The following TBCD variants were observed in gnomAD, a reference collection of about 807,000 sequenced individuals.
TBCD encodes the protein tubulin folding cofactor D.
In TBCD, 105 loss-of-function variants were observed where a neutral mutation model predicts 169.3. The observed-to-expected ratio is 0.62, with a 90% CI of 0.53 to 0.73. The LOEUF (loss-of-function observed/expected upper bound fraction) is 0.73. Among genes scored for constraint, TBCD ranks in the 30% least tolerant of loss-of-function variants. The pLI is 0.00. For synonymous variants in TBCD, 700 were observed against 643.9 expected (o/e 1.09, Z -1.32); for missense variants, 1,444 against 1,600.1 (o/e 0.90, Z 1.66).
At chr17:82,758,904 T>A (rs2143851151) in intron 2 of TBCD, among the ~76,000 whole-genome samples, 1 of 151,906 alleles carries the variant, frequency 6.6e-6, no homozygotes, top group South Asian at 2.1e-4. Flanking sequence ...CCACGTGATC[T>A]GCCCACCTTG....
chr17:82,941,620 G>T (rs1214415761), intron 38 of TBCD, 137 bp downstream of exon 38: 1 of 765,824 alleles, frequency 1.3e-6, no homozygotes, highest in East Asian at 2.8e-5. Flanking sequence ...GGACCCCTGG[G>T]ATTACGGGAC....
chr17:82,760,702 G>A (rs926654014), intron 2 of TBCD, among the ~76,000 whole-genome samples: 3 of 152,196 alleles, frequency 2.0e-5, no homozygotes, highest in African/African-American at 7.2e-5. Flanking sequence ...TAGTGTATTA[G>A]TGTATTACAG....
intron 36 of TBCD, 138 bp downstream of exon 36, chr17:82,938,274 C>T (rs887316618): frequency 7.1e-5 from 69 of 972,700 alleles, no homozygotes; most frequent in Middle Eastern, 3.2e-4. Context: ...GGTGACGACG[C>T]GTCACAGGCA....
intron 26 of TBCD, among the ~76,000 whole-genome samples, chr17:82,924,138 G>T (rs2061580774): frequency 6.6e-6 from 1 of 152,142 alleles, no homozygotes; most frequent in Admixed American, 6.5e-5. Flanking sequence ...ATTTTTAGTA[G>T]AGACGGGGTT....
intron 13 of TBCD, among the ~76,000 whole-genome samples, chr17:82,845,571 G>A (rs1035078276): frequency 4.3e-4 from 63 of 146,934 alleles, no homozygotes; most frequent in African/African-American, 1.4e-3. Flanking sequence ...CTTCCTCTCC[G>A]TCTGTCCTGT....
chr17:82,920,650 T>C lies in TBCD; in HGVS notation c.2101+32T>C. On this transcript the variant is annotated intron_variant, in intron 24 of 38. Coordinates refer to ENST00000355528, the MANE Select transcript of TBCD (RefSeq NM_005993.5). The surrounding 1 kb of genome is among the most constrained non-coding windows in gnomAD (Gnocchi z 4.1). ...GCTTTTGTTTTTAATAATAGCATTT[T>C]CTTACAGAATGACTTCAGATTAAAA... 1.3e-6 allele frequency: 2 copies of C among 1,503,988 alleles called. No individual in the cohort carries two copies. The highest frequency in any genetic ancestry group is 2.5e-5 in the South Asian group (2 of 80,570). The allele number at this position is 1,503,988 out of a possible 1,614,324, so 93.2% of individuals were successfully genotyped here. A position where few individuals can be genotyped will look rare whatever the true frequency, so the allele number is the denominator to read the frequency against.
intron 1 of TBCD, among the ~76,000 whole-genome samples, chr17:82,753,729 A>G (rs2047243367): frequency 6.6e-6 from 1 of 151,376 alleles, no homozygotes; most frequent in African/African-American, 2.4e-5. Flanking sequence ...TTGAGATTAC[A>G]GGTGTGAGCC....
intron 7 of TBCD, among the ~76,000 whole-genome samples, chr17:82,794,489 T>C (rs756127750): frequency 6.6e-6 from 1 of 152,206 alleles, no homozygotes; most frequent in Non-Finnish European, 1.5e-5. Context: ...TTTCAGCAGG[T>C]GGTTTTAATT....
At chr17:82,926,872 CGG>C (rs1359456826) in intron 28 of TBCD, 2 of 501,362 alleles carry the variant, frequency 4.0e-6, no homozygotes, top group Non-Finnish European at 7.1e-6. Context: ...AGCAGTCCCG[CGG>C]GGGCCACGCA....
intron 13 of TBCD, among the ~76,000 whole-genome samples, chr17:82,849,714 G>C (rs113567510): frequency 6.6e-6 from 1 of 152,192 alleles, no homozygotes. Flanking sequence ...GGTGCCACAC[G>C]GGTCCCTCTC....
rs570548334 is a variant in TBCD, at chr17:82,849,751, G to A, written c.1319-20473G>A. 2.8e-4 allele frequency among the ~76,000 whole-genome samples: 42 copies of A among 152,346 alleles called. 1 individual carries two copies. In the South Asian group the frequency reaches 8.1e-3, roughly 29 times the overall value. ...CAGGATGCGACCATGGTGGCTTTGCGTCATGTCACCTCAGCCAGGCAGGAC... is the reference window on the plus strand; with the variant it reads ...CAGGATGCGACCATGGTGGCTTTGCATCATGTCACCTCAGCCAGGCAGGAC... On this transcript the variant is annotated intron_variant, in intron 13 of 38. Transcript: ENST00000355528.
intron 12 of TBCD, 107 bp from the exon 13 acceptor site, chr17:82,814,733 A>T: frequency 9.4e-7 from 1 of 1,058,340 alleles, no homozygotes; most frequent in Non-Finnish European, 1.4e-6. Flanking sequence ...CGTGAGCCTT[A>T]CAGGCAGAGG....
Position 82,915,992 on chromosome 17 carries a change from C to T in TBCD, c.2038+4203C>T, listed in dbSNP as rs1000129005. On this transcript the variant is annotated intron_variant, in intron 23 of 38. Coordinates refer to ENST00000355528, the MANE Select transcript of TBCD (RefSeq NM_005993.5). The surrounding 1 kb of genome is among the most constrained non-coding windows in gnomAD (Gnocchi z 4.3). The stretch of plus-strand genomic sequence containing the variant: ...GTGCTGTCGTGCCTTTCGCTTTTAC[C>T]TGTATCTTAAATCACACAGGAGTTC... Among the ~76,000 whole-genome samples the T allele has an allele frequency of 3.9e-5, 6 of 152,214 alleles. No homozygotes were observed. The highest frequency in any genetic ancestry group is 1.4e-4 in the African/African-American group (6 of 41,444).
chr17:82,840,960 T>A (rs1423212140), intron 13 of TBCD, among the ~76,000 whole-genome samples: 8 of 127,800 alleles, frequency 6.3e-5, no homozygotes, highest in African/African-American at 2.5e-4. Context: ...ACTGGTTTTT[T>A]TTTTTTTTTT....
intron 13 of TBCD, chr17:82,830,000 TTTG>T (rs2053330650): frequency 3.4e-6 from 4 of 1,185,916 alleles, no homozygotes; most frequent in Admixed American, 5.8e-5. Flanking sequence ...GGGTTTTTTG[TTTG>T]TTTGTTTGTT....
At chr17:82,791,385 C>G (rs1232117816) in intron 7 of TBCD, among the ~76,000 whole-genome samples, 1 of 152,204 alleles carries the variant, frequency 6.6e-6, no homozygotes, top group Admixed American at 6.5e-5. Flanking sequence ...ACCACTGTGC[C>G]CGGCCATGGA....
intron 13 of TBCD, among the ~76,000 whole-genome samples, chr17:82,852,925 G>A (rs2055922556): frequency 6.6e-6 from 1 of 152,196 alleles, no homozygotes; most frequent in Non-Finnish European, 1.5e-5. Flanking sequence ...AACGTATTCA[G>A]AGCTCAGAAC....
intron 22 of TBCD, among the ~76,000 whole-genome samples, chr17:82,909,968 G>A (rs1489489855): frequency 2.6e-5 from 4 of 152,216 alleles, no homozygotes; most frequent in Non-Finnish European, 5.9e-5. Context: ...GCCTTTGGGT[G>A]TGGTTTCTTC....
chr17:82,844,433 C>T (rs2054829054), intron 13 of TBCD, among the ~76,000 whole-genome samples: 1 of 152,078 alleles, frequency 6.6e-6, no homozygotes, highest in Non-Finnish European at 1.5e-5. Context: ...AGCCCTGTCT[C>T]CTGCCCCAGT....
Sources: allele counts gnomAD v4.1 joint callset (sites outside exome capture counted in the v4.1 genomes callset), GRCh38; gene constraint gnomAD v4.1.1; non-coding constraint Gnocchi (gnomAD v3.1); transcripts MANE v1.5; gene names NCBI Gene and HGNC (gene_info 2026-07-23, HGNC 2026-07-21).